Variants in ARHGAP6 observed in about 807,000 individuals in gnomAD.
The protein encoded by ARHGAP6 is rho GTPase-activating protein 6.
Under a neutral mutation model 55.7 loss-of-function variants are expected in ARHGAP6, and 16 were observed. The ratio of observed to expected loss-of-function variants is 0.29; its 90% CI spans 0.19 to 0.44. The LOEUF is 0.44. ARHGAP6 is among the 20% of genes least tolerant of loss of function. The pLI is 1.00. For synonymous variants in ARHGAP6, 382 were observed against 360.9 expected (o/e 1.06, Z -0.66); for missense variants, 698 against 808.9 (o/e 0.86, Z 1.66).
intron 1 of ARHGAP6, among the ~76,000 whole-genome samples, chrX:11,586,701 C>A (rs2051738396): frequency 8.9e-6 from 1 of 111,787 alleles, no homozygotes; most frequent in South Asian, 3.7e-4. Context: ...TTTTTCTGGT[C>A]TGTGAAGAAT....
chrX:11,360,661 A>C (rs1184210531), intron 1 of ARHGAP6, among the ~76,000 whole-genome samples: 1 of 108,454 alleles, frequency 9.2e-6, no homozygotes, highest in African/African-American at 3.4e-5. Context: ...GGCCAGGGCA[A>C]TTAGGCAGGA....
At chrX:11,194,740 T>A (rs747395707) in intron 3 of ARHGAP6, among the ~76,000 whole-genome samples, 1 of 111,683 alleles carries the variant, frequency 9.0e-6, no homozygotes, top group East Asian at 2.8e-4. Flanking sequence ...AGTAAAACAA[T>A]GGTTTTCCAT....
chrX:11,258,792 C>A (rs1322446824), intron 1 of ARHGAP6, among the ~76,000 whole-genome samples: 2 of 111,827 alleles, frequency 1.8e-5, no homozygotes, highest in East Asian at 5.6e-4. Flanking sequence ...TTTGTTATGG[C>A]AGACCCAGTG....
chrX:11,278,608 C>G (rs2047810285), intron 1 of ARHGAP6, among the ~76,000 whole-genome samples: 1 of 111,790 alleles, frequency 8.9e-6, no homozygotes, highest in South Asian at 3.8e-4. Context: ...GCCATGATGA[C>G]AGATTAATTC....
rs373636526 is a variant in ARHGAP6, at chrX:11,169,516, C to T, written c.1798G>A (p.Ala600Thr). ...VVQKMIENYE[A>T]LFMVPPDLQN... ...GAAGGGCCACCTACCATGAACAGGGCTTCATAATTTTCAATCATCTTTTGC... is the reference window on the plus strand; with the variant it reads ...GAAGGGCCACCTACCATGAACAGGGTTTCATAATTTTCAATCATCTTTTGC... The change falls in exon 9 of 13, where the codon GCC becomes ACC. Residue 600 changes from alanine (A) to threonine (T), a missense_variant. Ala to Thr is a moderately conservative substitution (Grantham distance 58). Coordinates refer to ENST00000337414, the MANE Select transcript of ARHGAP6 (RefSeq NM_013427.3). 2.5e-6 allele frequency: 3 copies of T among 1,195,035 alleles called. No individual in the cohort carries two copies. The African/African-American group carries it at 5.3e-5, about 21-fold the overall frequency.
At chrX:11,259,952 C>A (rs1227798474) in intron 1 of ARHGAP6, among the ~76,000 whole-genome samples, 1 of 111,556 alleles carries the variant, frequency 9.0e-6, no homozygotes, top group Admixed American at 9.6e-5. Flanking sequence ...AGGGACTTTG[C>A]AGATGCTATT....
At chrX:11,325,365 A>C (rs921391408) in intron 1 of ARHGAP6, among the ~76,000 whole-genome samples, 1 of 112,471 alleles carries the variant, frequency 8.9e-6, no homozygotes, top group Non-Finnish European at 1.9e-5. Flanking sequence ...AATAATAAGC[A>C]TATCAAGTGG....
chrX:11,598,495 C>T (rs2051929768), intron 1 of ARHGAP6, among the ~76,000 whole-genome samples: 1 of 111,823 alleles, frequency 8.9e-6, no homozygotes, highest in Admixed American at 9.5e-5. Flanking sequence ...AATCCATACC[C>T]CCTCCTTTCC....
At chrX:11,318,364 G>A (rs1232893642) in intron 1 of ARHGAP6, among the ~76,000 whole-genome samples, 1 of 111,562 alleles carries the variant, frequency 9.0e-6, no homozygotes, top group Non-Finnish European at 1.9e-5. Flanking sequence ...TACAACTAAT[G>A]TAATCATAAA....
chrX:11,335,760 T>G, intron 1 of ARHGAP6: 1 of 305,998 alleles, frequency 3.3e-6, no homozygotes, highest in Admixed American at 3.4e-5. Context: ...TTAAAGGCTT[T>G]GGTGGTTCCC....
intron 1 of ARHGAP6, among the ~76,000 whole-genome samples, chrX:11,565,912 C>A (rs1399623538): frequency 9.0e-6 from 1 of 111,345 alleles, no homozygotes; most frequent in Non-Finnish European, 1.9e-5. Flanking sequence ...CAGACTGAGT[C>A]CAACATAAGG....
intron 1 of ARHGAP6, among the ~76,000 whole-genome samples, chrX:11,356,674 T>TA (rs971701820): frequency 2.7e-5 from 3 of 111,635 alleles, no homozygotes; most frequent in African/African-American, 9.8e-5. Flanking sequence ...ATATACTTTT[T>TA]AATGTCTGAT....
Position 11,629,555 on chromosome X carries a change from A to G in ARHGAP6, c.588+34686T>C, listed in dbSNP as rs1005696482. On this transcript the variant is annotated intron_variant, in intron 1 of 12. Transcript: ENST00000337414. ...GAATATAAATATTATATATATTCAT[A>G]TATATATTCTCAATAGGACATTGAA... Among the ~76,000 whole-genome samples the G allele has an allele frequency of 2.7e-5, 3 of 110,676 alleles. 1 individual carries two copies. The highest frequency in any genetic ancestry group is 9.8e-5 in the African/African-American group (3 of 30,499).
intron 1 of ARHGAP6, among the ~76,000 whole-genome samples, chrX:11,415,679 G>T (rs2049738205): frequency 1.8e-5 from 2 of 111,905 alleles, no homozygotes. Flanking sequence ...GGTGGGTGGA[G>T]ACAATAGTGT....
intron 1 of ARHGAP6, among the ~76,000 whole-genome samples, chrX:11,518,462 C>CTTTTT (rs368595944): frequency 2.7e-5 from 2 of 74,931 alleles, no homozygotes; most frequent in Non-Finnish European, 5.0e-5. Context: ...TTTTTTTTTT[C>CTTTTT]TTTTTTTTTT....
At chrX:11,443,207 T>C (rs1262165721) in intron 1 of ARHGAP6, among the ~76,000 whole-genome samples, 1 of 112,690 alleles carries the variant, frequency 8.9e-6, no homozygotes, top group Non-Finnish European at 1.9e-5. Flanking sequence ...CTTGTCAATA[T>C]TATATGTTGT....
At chrX:11,215,671 C>T (rs1366864584) in intron 2 of ARHGAP6, among the ~76,000 whole-genome samples, 1 of 112,936 alleles carries the variant, frequency 8.9e-6, no homozygotes, top group South Asian at 3.6e-4. Flanking sequence ...CATGGAGAAG[C>T]CTGCGAAGGC....
intron 1 of ARHGAP6, among the ~76,000 whole-genome samples, chrX:11,255,639 T>C (rs1175278645): frequency 1.8e-5 from 2 of 111,445 alleles, no homozygotes; most frequent in African/African-American, 6.5e-5. Flanking sequence ...AGGTTCTATT[T>C]GTAGCACTCT....
At chrX:11,381,639 C>G (rs1036021362) in intron 1 of ARHGAP6, among the ~76,000 whole-genome samples, 1 of 111,666 alleles carries the variant, frequency 9.0e-6, no homozygotes, top group African/African-American at 3.3e-5. Context: ...GTTAGTTTTT[C>G]CTTTTGCCAC....
Sources: gnomAD v4.1 joint callset for allele counts (sites outside exome capture counted in the v4.1 genomes callset) on GRCh38, gnomAD v4.1.1 for gene constraint, MANE v1.5 for transcripts, NCBI Gene and HGNC (gene_info 2026-07-23, HGNC 2026-07-21) for gene names.